Variants in TEX11 observed in about 807,000 individuals in gnomAD.
The protein encoded by TEX11 is testis-expressed protein 11.
Under a neutral mutation model 84.4 loss-of-function variants are expected in TEX11, and 7 were observed. That is an observed-to-expected ratio of 0.08 (90% CI 0.05 to 0.16). The LOEUF (loss-of-function observed/expected upper bound fraction) is 0.16, where lower values mean the gene tolerates loss of function less well. Ranked by LOEUF, TEX11 falls within the 10% of genes least tolerant of loss-of-function variation. The pLI, the probability that TEX11 is intolerant of heterozygous loss-of-function variation, is 1.00. For missense variants in TEX11, 551 were observed against 660.5 expected, an observed-to-expected ratio of 0.83 and a Z score of 1.82; for synonymous variants, 264 against 222.8, an observed-to-expected ratio of 1.18 and a Z score of -1.64.
intron 10 of TEX11, among the ~76,000 whole-genome samples, chrX:70,742,176 T>C (rs1261245785): frequency 1.8e-5 from 2 of 110,560 alleles, no homozygotes; most frequent in Non-Finnish European, 3.8e-5. Flanking sequence ...CAACACCATA[T>C]ATTCATTTTG....
At chrX:70,636,773 A>G (rs776500096) in intron 17 of TEX11, among the ~76,000 whole-genome samples, 86 of 111,996 alleles carry the variant, frequency 7.7e-4, no homozygotes, top group African/African-American at 2.6e-3. Flanking sequence ...ATCCAACCCC[A>G]TGGACCTAGG....
chrX:70,820,760 AT>A (rs2091314371), intron 8 of TEX11, among the ~76,000 whole-genome samples: 1 of 111,609 alleles, frequency 9.0e-6, no homozygotes, highest in Non-Finnish European at 1.9e-5. Context: ...GCACCAAGCT[AT>A]TCATAAGGGA....
chrX:70,517,309 T>A, the TEX11 span, among the ~76,000 whole-genome samples: 1 of 112,117 alleles, frequency 8.9e-6, no homozygotes, highest in Non-Finnish European at 1.9e-5. Context: ...AATACCTAGT[T>A]TATTGAGAGT....
intron 3 of TEX11, among the ~76,000 whole-genome samples, chrX:70,876,233 A>G (rs2091655043): frequency 8.9e-6 from 1 of 112,282 alleles, no homozygotes; most frequent in East Asian, 2.8e-4. Flanking sequence ...TTATAGCTAA[A>G]TAACATTTAA....
chrX:70,656,287 G>C (rs757293218), intron 16 of TEX11, among the ~76,000 whole-genome samples: 1 of 108,770 alleles, frequency 9.2e-6, no homozygotes, highest in Non-Finnish European at 1.9e-5. Flanking sequence ...AATTAGCCAG[G>C]CATGGTGGTG....
intron 25 of TEX11, among the ~76,000 whole-genome samples, chrX:70,570,664 A>G (rs944235400): frequency 4.5e-5 from 5 of 111,850 alleles, no homozygotes; most frequent in Non-Finnish European, 9.4e-5. Flanking sequence ...GTTTAGGACT[A>G]TTTAAAATAG....
intron 7 of TEX11, among the ~76,000 whole-genome samples, chrX:70,842,176 A>C (rs76885744): frequency 1.5e-4 from 16 of 108,919 alleles, no homozygotes; most frequent in East Asian, 8.8e-4. Context: ...GAGACACAAC[A>C]AAAAAAGAGA....
At chrX:70,861,163 G>A (rs2091567021) in intron 4 of TEX11, among the ~76,000 whole-genome samples, 1 of 97,752 alleles carries the variant, frequency 1.0e-5, no homozygotes, top group Non-Finnish European at 2.0e-5. Context: ...CCGGGTTCAC[G>A]CCATTCTCCT....
At chrX:70,565,485 A>G (rs906899687) in intron 25 of TEX11, among the ~76,000 whole-genome samples, 4 of 110,524 alleles carry the variant, frequency 3.6e-5, no homozygotes, top group African/African-American at 9.9e-5. Flanking sequence ...GCCCATGCCT[A>G]TGTCCTGAAT....
chrX:70,773,160 G>A (rs1238220526), intron 9 of TEX11, among the ~76,000 whole-genome samples: 2 of 110,847 alleles, frequency 1.8e-5, no homozygotes, highest in Non-Finnish European at 3.8e-5. Context: ...AGAACATCCA[G>A]ACCATGAAGC....
chrX:70,823,416 CA>C (rs891773143), intron 8 of TEX11, among the ~76,000 whole-genome samples: 4 of 106,184 alleles, frequency 3.8e-5, no homozygotes, highest in South Asian at 8.1e-4. Flanking sequence ...GTTCTCACCA[CA>C]AAAAAAAAGG....
intron 25 of TEX11, among the ~76,000 whole-genome samples, chrX:70,566,668 G>A (rs2088485058): frequency 9.0e-6 from 1 of 111,317 alleles, no homozygotes; most frequent in Non-Finnish European, 1.9e-5. Context: ...TAATCATGTG[G>A]TTTTTGTCTT....
At chrX:70,557,886 T>C (rs759453312) in intron 25 of TEX11, among the ~76,000 whole-genome samples, 3 of 112,287 alleles carry the variant, frequency 2.7e-5, no homozygotes, top group Admixed American at 9.4e-5. Flanking sequence ...CAGTGGCTCA[T>C]GCCTATAGTC....
chrX:70,566,022 C>T (rs1332161424), intron 25 of TEX11, among the ~76,000 whole-genome samples: 1 of 109,936 alleles, frequency 9.1e-6, no homozygotes, highest in Non-Finnish European at 1.9e-5. Flanking sequence ...GATATTGATT[C>T]CTCCTACCCA....
At chrX:70,715,626 T>C (rs80281150) in intron 13 of TEX11, among the ~76,000 whole-genome samples, 3,100 of 112,289 alleles carry the variant, frequency 0.028, 98 homozygotes, top group African/African-American at 0.094. Flanking sequence ...TCTCGTGCCA[T>C]GGTTTTCAGC....
Position 70,891,971 on chromosome X carries a change from G to A in TEX11, c.38-11862C>T, listed in dbSNP as rs778745808. 3.6e-5 allele frequency among the ~76,000 whole-genome samples: 4 copies of A among 111,175 alleles called. No homozygotes were observed. The East Asian group carries it at 1.1e-3, about 31-fold the overall frequency. The stretch of plus-strand genomic sequence containing the variant: ...TTGAAACGAAGGAAAACATGTTAAG[G>A]GCAGCCAGAGAGAAAGATCAGGTTA... On this transcript the variant is annotated intron_variant, in intron 2 of 29. Transcript: ENST00000374333.
the TEX11 span, among the ~76,000 whole-genome samples, chrX:70,520,798 C>T: frequency 3.6e-5 from 4 of 111,974 alleles, no homozygotes; most frequent in South Asian, 3.8e-4. Context: ...CCACCGAGTT[C>T]GAGCTTCCTG....
intron 2 of TEX11, among the ~76,000 whole-genome samples, chrX:70,907,097 G>A (rs921847775): frequency 6.3e-5 from 7 of 111,886 alleles, no homozygotes; most frequent in Admixed American, 3.8e-4. Context: ...ATGTACTTAA[G>A]TCTAAAACTA....
intron 16 of TEX11, among the ~76,000 whole-genome samples, chrX:70,666,865 A>G (rs2089980163): frequency 9.0e-6 from 1 of 111,377 alleles, no homozygotes; most frequent in Middle Eastern, 4.6e-3. Context: ...CTTAAAAACA[A>G]TCTTCTCAGT....
Sources: allele counts gnomAD v4.1 joint callset (sites outside exome capture counted in the v4.1 genomes callset), GRCh38; gene constraint gnomAD v4.1.1; transcripts MANE v1.5; gene names NCBI Gene and HGNC (gene_info 2026-07-23, HGNC 2026-07-21).